STIM1: variants seen among roughly 807,000 people sequenced by gnomAD.
The protein encoded by STIM1 is stromal interaction molecule 1.
Under a neutral mutation model 74.7 loss-of-function variants are expected in STIM1, and 25 were observed. The ratio of observed to expected loss-of-function variants is 0.33; its 90% CI spans 0.24 to 0.47. The LOEUF is 0.47. STIM1 is among the 20% of genes least tolerant of loss of function. The probability of loss-of-function intolerance (pLI) is 1.00; values close to 1 mark genes in which losing one functional copy is unlikely to be tolerated. For synonymous variants in STIM1, 328 were observed against 348.8 expected (o/e 0.94, Z 0.66); for missense variants, 728 against 920.8 (o/e 0.79, Z 2.71).
chr11:4,037,087 G>A (rs1260069526), intron 3 of STIM1, among the ~76,000 whole-genome samples: 6 of 147,890 alleles, frequency 4.1e-5, no homozygotes, highest in South Asian at 4.3e-4. Context: ...ATGGAGTCTC[G>A]CTCTGTTGCC....
intron 1 of STIM1, among the ~76,000 whole-genome samples, chr11:3,916,696 C>T (rs567119625): frequency 6.6e-6 from 1 of 152,198 alleles, no homozygotes. Flanking sequence ...AGGTGATCTG[C>T]CTGCCTCAGC....
At position 3,919,745 on chromosome 11, in the gene STIM1, G is replaced by C. The variant is rs147701602; in HGVS notation, c.140-47807G>C. Among the ~76,000 whole-genome samples, 901 of 152,206 alleles carry C rather than the reference G, an allele frequency of 5.9e-3. 3 individuals are homozygous for C. The highest frequency in any genetic ancestry group is 0.01 in the Non-Finnish European group (686 of 68,006). ...CCCTCACGTACTATCCAGTTTACCA[G>C]GCAGCCAACAACCATTCGATTTTTT... On this transcript the variant is annotated intron_variant, in intron 1 of 12. Coordinates refer to ENST00000526596, the MANE Select transcript of STIM1 (RefSeq NM_001382567.1).
intron 5 of STIM1, among the ~76,000 whole-genome samples, chr11:4,067,155 A>G (rs960974924): frequency 1.3e-5 from 2 of 152,214 alleles, no homozygotes; most frequent in Non-Finnish European, 2.9e-5. Context: ...CACACATTCT[A>G]TCTCTGTAGT....
chr11:4,045,305 G>T (rs1440054106), intron 3 of STIM1, among the ~76,000 whole-genome samples: 1 of 152,130 alleles, frequency 6.6e-6, no homozygotes, highest in African/African-American at 2.4e-5. Context: ...GCTAGCACTT[G>T]TCTGTCTGCC....
intron 1 of STIM1, among the ~76,000 whole-genome samples, chr11:3,953,784 C>T (rs2123110): frequency 0.73 from 97,553 of 133,286 alleles, 36,141 homozygotes; most frequent in South Asian, 0.88. Context: ...CTTCTTCTTT[C>T]TTTTTTTTTT....
chr11:4,002,857 A>G (rs1354776287), intron 2 of STIM1, among the ~76,000 whole-genome samples: 227 of 142,746 alleles, frequency 1.6e-3, no homozygotes, highest in African/African-American at 5.3e-3. Flanking sequence ...TAATAAAGAA[A>G]AAAAGAGAGA....
chr11:4,085,076 CCTTT>C (rs2094485478), intron 11 of STIM1, among the ~76,000 whole-genome samples: 1 of 152,022 alleles, frequency 6.6e-6, no homozygotes, highest in African/African-American at 2.4e-5. Flanking sequence ...ACAAATGACC[CCTTT>C]CTTTTCTCTT....
chr11:3,911,972 T>C (rs561336713), intron 1 of STIM1, among the ~76,000 whole-genome samples: 42 of 152,260 alleles, frequency 2.8e-4, no homozygotes, highest in Admixed American at 2.6e-3. Flanking sequence ...CACTTACTGA[T>C]TTTTTAGAGC....
At chr11:3,874,597 C>T (rs1447403729) in intron 1 of STIM1, among the ~76,000 whole-genome samples, 5 of 152,190 alleles carry the variant, frequency 3.3e-5, no homozygotes, top group South Asian at 2.1e-4. Context: ...CCTTTTAAGC[C>T]GCTAAGTTCT....
At chr11:3,964,102 C>T (rs1278746776) in intron 1 of STIM1, among the ~76,000 whole-genome samples, 1 of 152,152 alleles carries the variant, frequency 6.6e-6, no homozygotes, top group African/African-American at 2.4e-5. Flanking sequence ...ATTGGAGGCT[C>T]AAATAAATTA....
rs551060009 is a variant in STIM1 at position 3,918,533 on chromosome 11, C to CAA, written c.140-49009_140-49008dup. Among the ~76,000 whole-genome samples, 202 of 117,274 alleles carry CAA rather than the reference C, an allele frequency of 1.7e-3. No individual in the cohort carries two copies. The East Asian group carries it at 0.021, about 12-fold the overall frequency. 76.9% of individuals were successfully genotyped at this position (117,274 alleles called of 152,430 possible). A position where few individuals can be genotyped will look rare whatever the true frequency, so the allele number is the denominator to read the frequency against. On this transcript the variant is annotated intron_variant, in intron 1 of 12. Transcript: ENST00000526596. Reference sequence around the variant, plus strand: ...CCTGGGAGACAGTCAGACACTGTCTCAAAAAAAAAAAGAAAGAAAGAAAGA... The same window carrying CAA: ...CCTGGGAGACAGTCAGACACTGTCTCAAAAAAAAAAAAAGAAAGAAAGAAAGA...
intron 2 of STIM1, among the ~76,000 whole-genome samples, chr11:4,016,613 G>A (rs1235297127): frequency 1.3e-5 from 2 of 152,394 alleles, no homozygotes; most frequent in East Asian, 3.9e-4. Flanking sequence ...TAAGTCTGCA[G>A]AAGCTGTCTG....
chr11:4,017,017 C>T (rs921149513), intron 2 of STIM1, among the ~76,000 whole-genome samples: 5 of 152,252 alleles, frequency 3.3e-5, no homozygotes, highest in Non-Finnish European at 7.3e-5. Context: ...CCCCTGACCC[C>T]TTGCACTTGC....
chr11:3,857,108 G>GT (rs34961672), intron 1 of STIM1, among the ~76,000 whole-genome samples: 28 of 104,036 alleles, frequency 2.7e-4, no homozygotes, highest in African/African-American at 9.1e-4. Flanking sequence ...TTTTTTTTTT[G>GT]TTTTTTTTTT....
chr11:3,877,303 A>G (rs2091336229), intron 1 of STIM1, among the ~76,000 whole-genome samples: 1 of 152,052 alleles, frequency 6.6e-6, no homozygotes, highest in African/African-American at 2.4e-5. Context: ...TTAAGCAAGC[A>G]TCTTGGAATT....
intron 7 of STIM1, among the ~76,000 whole-genome samples, chr11:4,080,557 C>T (rs900791297): frequency 4.0e-5 from 6 of 150,992 alleles, no homozygotes; most frequent in Non-Finnish European, 8.8e-5. Flanking sequence ...GTCTTGACCT[C>T]CTGGACTCAA....
chr11:3,895,575 C>T (rs1353871965), intron 1 of STIM1, among the ~76,000 whole-genome samples: 1 of 150,360 alleles, frequency 6.7e-6, no homozygotes, highest in African/African-American at 2.5e-5. Context: ...TAATTCGGCT[C>T]TGGGTTCCGG....
intron 1 of STIM1, among the ~76,000 whole-genome samples, chr11:3,866,277 C>G (rs1428487336): frequency 6.6e-6 from 1 of 152,140 alleles, no homozygotes; most frequent in Admixed American, 6.5e-5. Context: ...TTCTTTATTT[C>G]TACTTCCAGT....
At chr11:3,988,427 A>G (rs1162024555) in intron 2 of STIM1, among the ~76,000 whole-genome samples, 1 of 152,166 alleles carries the variant, frequency 6.6e-6, no homozygotes, top group African/African-American at 2.4e-5. Context: ...TAACATACGT[A>G]CCGAAAATCT....
Sources: gnomAD v4.1 joint callset for allele counts (sites outside exome capture counted in the v4.1 genomes callset) on GRCh38, gnomAD v4.1.1 for gene constraint, MANE v1.5 for transcripts, NCBI Gene and HGNC (gene_info 2026-07-23, HGNC 2026-07-21) for gene names.